The following PYY variants were observed in gnomAD, a reference collection of about 807,000 sequenced individuals.
The protein encoded by PYY is peptide YY.
A neutral mutation model predicts 10.3 loss-of-function variants in PYY; 12 were observed. That is an observed-to-expected ratio of 1.17 (90% CI 0.75 to 1.89). The LOEUF (loss-of-function observed/expected upper bound fraction) is 1.89, where lower values mean the gene tolerates loss of function less well. PYY is among the 40% of genes most tolerant of loss of function. The pLI is 0.00. For missense variants in PYY, 141 were observed against 134.0 expected (o/e 1.05, Z -0.26); for synonymous variants, 66 against 62.0 (o/e 1.06, Z -0.30).
intron 1 of PYY, among the ~76,000 whole-genome samples, chr17:44,000,135 C>T (rs1033279249): frequency 1.3e-5 from 2 of 152,136 alleles, no homozygotes; most frequent in Non-Finnish European, 2.9e-5. Context: ...CTCCCACCTC[C>T]GCGTCCTGAG....
intron 1 of PYY, among the ~76,000 whole-genome samples, chr17:43,998,512 C>T (rs2049005482): frequency 6.6e-6 from 1 of 151,972 alleles, no homozygotes; most frequent in African/African-American, 2.4e-5. Context: ...GAGCTGAGAT[C>T]AAGCCACTGC....
intron 2 of PYY, among the ~76,000 whole-genome samples, chr17:43,960,082 C>T (rs2048700781): frequency 6.6e-6 from 1 of 152,128 alleles, no homozygotes; most frequent in Non-Finnish European, 1.5e-5. Flanking sequence ...ATTCATGCAC[C>T]CCCCCTTAAT....
At chr17:43,993,404 A>G (rs997108044) in intron 1 of PYY, among the ~76,000 whole-genome samples, 1 of 150,916 alleles carries the variant, frequency 6.6e-6, no homozygotes, top group Non-Finnish European at 1.5e-5. Flanking sequence ...GCCTGCAGTG[A>G]GCCGAGATTG....
intron 1 of PYY, among the ~76,000 whole-genome samples, chr17:43,990,428 G>A (rs2048948860): frequency 7.9e-6 from 1 of 126,886 alleles, no homozygotes; most frequent in South Asian, 2.7e-4. Context: ...GACAGAGCGA[G>A]ACTCCATCTC....
chr17:43,979,759 G>T (rs544796901), intron 1 of PYY, among the ~76,000 whole-genome samples: 140 of 151,484 alleles, frequency 9.2e-4, no homozygotes, highest in African/African-American at 3.1e-3. Context: ...AGAAATGGGT[G>T]TGGGGGTAGC....
At chr17:43,999,254 T>C (rs1190700666) in intron 1 of PYY, among the ~76,000 whole-genome samples, 1 of 151,848 alleles carries the variant, frequency 6.6e-6, no homozygotes, top group African/African-American at 2.4e-5. Context: ...CTGGTGACCT[T>C]GACAGTGACT....
At chr17:43,975,839 C>T (rs367874701) in intron 1 of PYY, among the ~76,000 whole-genome samples, 158 of 5,234 alleles carry the variant, frequency 0.03, 27 homozygotes, top group African/African-American at 0.13. Flanking sequence ...CGTACGTGTA[C>T]ATACACGTGT....
At chr17:43,960,680 T>C (rs1314677260) in intron 2 of PYY, among the ~76,000 whole-genome samples, 2 of 150,626 alleles carry the variant, frequency 1.3e-5, no homozygotes, top group South Asian at 2.1e-4. Context: ...AAACCCCGTC[T>C]CTACCAAAAA....
intron 1 of PYY, among the ~76,000 whole-genome samples, chr17:44,002,343 G>A (rs1413107366): frequency 6.6e-6 from 1 of 152,224 alleles, no homozygotes; most frequent in African/African-American, 2.4e-5. Flanking sequence ...CAGGTGTCAG[G>A]ACTCCAGCAT....
At chr17:43,953,607 G>T in intron 1 of PYY, 124 bp from the exon 2 acceptor site, 1 of 917,560 alleles carries the variant, frequency 1.1e-6, no homozygotes, top group Non-Finnish European at 1.6e-6. Context: ...CCAAGGCTCA[G>T]CCACCGGGCT....
At chr17:43,994,178 A>G (rs967860469) in intron 1 of PYY, among the ~76,000 whole-genome samples, 2 of 152,152 alleles carry the variant, frequency 1.3e-5, no homozygotes, top group Non-Finnish European at 2.9e-5. Flanking sequence ...TAAAAAAATT[A>G]TAAGTATACT....
intron 2 of PYY, among the ~76,000 whole-genome samples, chr17:43,965,805 AAAAAAAAAAAAAGAG>A (rs1392294966): frequency 6.7e-6 from 1 of 150,050 alleles, no homozygotes; most frequent in African/African-American, 2.4e-5. Flanking sequence ...AAAAAAAAAA[AAAAAAAAAAAAAGAG>A]AGAGAAACAA....
intron 1 of PYY, among the ~76,000 whole-genome samples, chr17:43,968,901 A>C (rs2048771237): frequency 6.6e-6 from 1 of 151,894 alleles, no homozygotes; most frequent in Admixed American, 6.6e-5. Flanking sequence ...TGAGGTCAGG[A>C]GTTTGAGATC....
chr17:43,980,890 G>A (rs532222065), intron 1 of PYY, among the ~76,000 whole-genome samples: 2 of 152,278 alleles, frequency 1.3e-5, no homozygotes, highest in African/African-American at 2.4e-5. Flanking sequence ...ATTCTGTGGT[G>A]TGAACATATC....
At chr17:43,986,738 C>A (rs1233533340) in intron 1 of PYY, among the ~76,000 whole-genome samples, 1 of 152,174 alleles carries the variant, frequency 6.6e-6, no homozygotes, top group Non-Finnish European at 1.5e-5. Context: ...ACTCAGAAAC[C>A]AGGAGCCACC....
intron 1 of PYY, among the ~76,000 whole-genome samples, chr17:43,969,846 C>A (rs1048315267): frequency 1.3e-5 from 2 of 151,560 alleles, no homozygotes; most frequent in African/African-American, 4.8e-5. Context: ...TGGGTTCAAG[C>A]AATTCTCTGC....
chr17:43,960,103 T>C (rs1597843635), intron 2 of PYY, among the ~76,000 whole-genome samples: 1 of 152,192 alleles, frequency 6.6e-6, no homozygotes, highest in East Asian at 1.9e-4. Context: ...AGATACCAAA[T>C]AGCGGTAGCT....
chr17:43,954,474 C>T (rs1157909018), upstream of PYY, among the ~76,000 whole-genome samples: 1 of 152,190 alleles, frequency 6.6e-6, no homozygotes, highest in African/African-American at 2.4e-5. Context: ...GTGGGAGCAC[C>T]TGACCTTGGC....
At chr17:43,954,115 G>A (rs1202017160), upstream of PYY, 4 of 152,812 alleles carry the variant, frequency 2.6e-5, no homozygotes, top group African/African-American at 9.6e-5. Context: ...GGAGCTGAGG[G>A]GGCAGTTGCC....
Sources: allele counts gnomAD v4.1 joint callset (sites outside exome capture counted in the v4.1 genomes callset), GRCh38; gene constraint gnomAD v4.1.1; transcripts MANE v1.5; gene names NCBI Gene and HGNC (gene_info 2026-07-23, HGNC 2026-07-21).